Variants in CAB39L observed in about 807,000 individuals in gnomAD.
The protein encoded by CAB39L is calcium-binding protein 39-like.
CAB39L carries 23 observed loss-of-function variants against 39.1 expected under a neutral mutation model. That is an observed-to-expected ratio of 0.59 (90% CI 0.42 to 0.83). CAB39L has a LOEUF of 0.83. Ranked by LOEUF, CAB39L falls within the 40% of genes least tolerant of loss-of-function variation. The pLI, the probability that CAB39L is intolerant of heterozygous loss-of-function variation, is 0.00. For missense variants in CAB39L, 366 were observed against 391.9 expected, an observed-to-expected ratio of 0.93 and a Z score of 0.56; for synonymous variants, 126 against 137.2, an observed-to-expected ratio of 0.92 and a Z score of 0.57.
chr13:49,405,719 G>GAGAGGAAGGAAGGAAGGAAGGA lies in CAB39L; in HGVS notation c.-31-22779_-31-22778insTCCTTCCTTCCTTCCTTCCTCT, dbSNP rs1220698718. Among the ~76,000 whole-genome samples the GAGAGGAAGGAAGGAAGGAAGGA allele has an allele frequency of 2.8e-3, 264 of 95,054 alleles. 3 individuals carry two copies. The highest frequency in any genetic ancestry group is 0.017 in the East Asian group (73 of 4,364). The allele number at this position is 95,054 out of a possible 152,430, so 62.4% of individuals were successfully genotyped here. ...AAAGAAAGAAAGAAAGAAAGAGAGA[G>GAGAGGAAGGAAGGAAGGAAGGA]AGGAAGGAAGGAAGGAAGGAAGGAA... On this transcript the variant is annotated intron_variant, in intron 3 of 10. Coordinates refer to ENST00000409308, the MANE Select transcript of CAB39L (RefSeq NM_001079670.3).
chr13:49,322,885 G>T (rs1002865671), intron 10 of CAB39L, among the ~76,000 whole-genome samples: 1 of 152,204 alleles, frequency 6.6e-6, no homozygotes, highest in Non-Finnish European at 1.5e-5. Flanking sequence ...TTTATTTATA[G>T]TCACTCTCCG....
intron 3 of CAB39L, among the ~76,000 whole-genome samples, chr13:49,400,295 T>A (rs1956734244): frequency 1.3e-5 from 2 of 152,124 alleles, no homozygotes; most frequent in Non-Finnish European, 2.9e-5. Context: ...GAACAATGAT[T>A]ACATGCCTCC....
chr13:49,313,234 T>C (rs9568185), intron 10 of CAB39L, among the ~76,000 whole-genome samples: 2,164 of 152,140 alleles, frequency 0.014, 41 homozygotes, highest in African/African-American at 0.037. Flanking sequence ...GTAATCCTAG[T>C]ACTTTGGGAG....
At chr13:49,327,839 T>C (rs1345352296) in intron 10 of CAB39L, among the ~76,000 whole-genome samples, 2 of 152,204 alleles carry the variant, frequency 1.3e-5, no homozygotes, top group African/African-American at 4.8e-5. Flanking sequence ...CTGGTGCCCA[T>C]GTATGGCTTT....
At chr13:49,333,631 G>C (rs1348208630) in intron 9 of CAB39L, among the ~76,000 whole-genome samples, 1 of 146,662 alleles carries the variant, frequency 6.8e-6, no homozygotes, top group African/African-American at 2.5e-5. Context: ...GAGTGCAGTG[G>C]CGCGATCTCG....
chr13:49,431,675 C>T (rs1435121919), intron 3 of CAB39L, among the ~76,000 whole-genome samples: 1 of 151,452 alleles, frequency 6.6e-6, no homozygotes, highest in African/African-American at 2.4e-5. Context: ...CCACTGCACT[C>T]CAGCCTGGAC....
At chr13:49,339,888 G>A (rs1051015488) in intron 8 of CAB39L, 146 bp from the exon 9 acceptor site, 8 of 1,029,996 alleles carry the variant, frequency 7.8e-6, no homozygotes, top group Non-Finnish European at 7.6e-6. Flanking sequence ...TGGGGGACAG[G>A]GAGGTCAAGA....
intron 7 of CAB39L, among the ~76,000 whole-genome samples, chr13:49,350,510 G>A (rs975983108): frequency 1.3e-5 from 2 of 152,100 alleles, no homozygotes; most frequent in African/African-American, 4.8e-5. Flanking sequence ...TGTATATACT[G>A]GAATTCACTC....
intron 9 of CAB39L, among the ~76,000 whole-genome samples, chr13:49,333,130 T>C (rs1396436824): frequency 6.6e-6 from 1 of 152,110 alleles, no homozygotes; most frequent in Non-Finnish European, 1.5e-5. Flanking sequence ...GTATACAACC[T>C]GAGGTTATTT....
chr13:49,409,118 CG>C (rs1239400676), intron 3 of CAB39L, among the ~76,000 whole-genome samples: 1 of 152,048 alleles, frequency 6.6e-6, no homozygotes, highest in Non-Finnish European at 1.5e-5. Flanking sequence ...TGGTAGTCAG[CG>C]AGACAAAAGA....
chr13:49,336,882 C>T (rs1247101171), intron 9 of CAB39L, among the ~76,000 whole-genome samples: 2 of 152,222 alleles, frequency 1.3e-5, no homozygotes, highest in Non-Finnish European at 2.9e-5. Context: ...TGGGAGAACA[C>T]AGCGCTGAAG....
Position 49,429,625 on chromosome 13 carries a change from A to G in CAB39L, c.-32+3693T>C, listed in dbSNP as rs1235751607. Among the ~76,000 whole-genome samples the G allele has an allele frequency of 2.0e-5, 3 of 152,204 alleles. No individual in the cohort carries two copies. The East Asian group carries it at 5.8e-4, about 29-fold the overall frequency. ...AGAACCTTGCTATATGCTGATTTCT[A>G]AAAGCAATTTAATATAGTTTAGTTA... is the stretch of plus-strand genomic sequence containing the variant. On this transcript the variant is annotated intron_variant, in intron 3 of 10. Transcript: ENST00000409308.
chr13:49,335,782 C>T (rs564573216), intron 9 of CAB39L, among the ~76,000 whole-genome samples: 2 of 152,142 alleles, frequency 1.3e-5, no homozygotes, highest in Non-Finnish European at 2.9e-5. Flanking sequence ...AGCTCTGTCA[C>T]ATGATGGAAA....
At chr13:49,351,896 C>T (rs1301767011) in intron 6 of CAB39L, among the ~76,000 whole-genome samples, 1 of 152,028 alleles carries the variant, frequency 6.6e-6, no homozygotes, top group Non-Finnish European at 1.5e-5. Context: ...GATGGTGGTG[C>T]TATTTATTAA....
intron 10 of CAB39L, among the ~76,000 whole-genome samples, chr13:49,322,889 C>G (rs1954389563): frequency 1.3e-5 from 2 of 152,214 alleles, no homozygotes; most frequent in Admixed American, 1.3e-4. Context: ...TTTATAGTCA[C>G]TCTCCGCAGC....
intron 3 of CAB39L, among the ~76,000 whole-genome samples, chr13:49,387,236 A>C (rs1956386143): frequency 6.6e-6 from 1 of 152,194 alleles, no homozygotes; most frequent in Admixed American, 6.5e-5. Context: ...TATCATGATA[A>C]AGATAAAGCC....
At chr13:49,334,417 C>T (rs1208710520) in intron 9 of CAB39L, among the ~76,000 whole-genome samples, 1 of 152,146 alleles carries the variant, frequency 6.6e-6, no homozygotes, top group Non-Finnish European at 1.5e-5. Context: ...CCTCAGCTCC[C>T]TTCCTCCATC....
In CAB39L at chr13:49,358,280, GAAT is replaced by G. The variant is rs374274483; in HGVS notation, c.395+1431_395+1433del. On this transcript the variant is annotated intron_variant, in intron 6 of 10. Coordinates refer to ENST00000409308, the MANE Select transcript of CAB39L (RefSeq NM_001079670.3). ...ATAGTACACTACTTTGCTCACTAGT[GAAT>G]AATAACTGTGCAATCATAATAATCT... Among the ~76,000 whole-genome samples the G allele has an allele frequency of 1.4e-4, 22 of 152,172 alleles. No homozygotes were observed. In the East Asian group the frequency reaches 2.7e-3, roughly 19 times the overall value.
At chr13:49,341,933 T>C (rs1955020480) in intron 8 of CAB39L, among the ~76,000 whole-genome samples, 1 of 152,238 alleles carries the variant, frequency 6.6e-6, no homozygotes, top group Non-Finnish European at 1.5e-5. Flanking sequence ...GTTGATTCTG[T>C]GGCTATTTCC....
Sources: gnomAD v4.1 joint callset for allele counts (sites outside exome capture counted in the v4.1 genomes callset) on GRCh38, gnomAD v4.1.1 for gene constraint, MANE v1.5 for transcripts, NCBI Gene and HGNC (gene_info 2026-07-23, HGNC 2026-07-21) for gene names.